DNAI3: variants seen among roughly 807,000 people sequenced by gnomAD.
DNAI3 encodes dynein axonemal intermediate chain 3.
DNAI3 carries 83 observed loss-of-function variants against 115.5 expected under a neutral mutation model. That is an observed-to-expected ratio of 0.72 (90% CI 0.60 to 0.86). The LOEUF (loss-of-function observed/expected upper bound fraction) is 0.86, where lower values mean the gene tolerates loss of function less well. Ranked by LOEUF, DNAI3 falls within the 40% of genes least tolerant of loss-of-function variation. DNAI3 has a pLI of 0.00. For synonymous variants in DNAI3, 320 were observed against 347.0 expected, an observed-to-expected ratio of 0.92 and a Z score of 0.86; for missense variants, 1,004 against 1,075.8, an observed-to-expected ratio of 0.93 and a Z score of 0.93.
chr1:85,076,264 A>G (rs1232330822), intron 3 of DNAI3, among the ~76,000 whole-genome samples: 1 of 152,186 alleles, frequency 6.6e-6, no homozygotes, highest in Non-Finnish European at 1.5e-5. Context: ...GCCAATGTCA[A>G]AGGCCCAGTC....
intron 11 of DNAI3, among the ~76,000 whole-genome samples, chr1:85,096,480 T>A (rs199620533): frequency 1.5e-5 from 2 of 131,212 alleles, no homozygotes; most frequent in Non-Finnish European, 3.4e-5. Flanking sequence ...ATAGATAGAT[T>A]ATATATATAT....
intron 3 of DNAI3, among the ~76,000 whole-genome samples, chr1:85,075,573 AC>A (rs1654427291): frequency 1.3e-5 from 2 of 152,102 alleles, no homozygotes; most frequent in African/African-American, 4.8e-5. Flanking sequence ...GACCTTGCCA[AC>A]TGTTAATCAG....
Position 85,094,365 on chromosome 1 carries a change from A to G in DNAI3, c.1049-66A>G. The G allele has an allele frequency of 3.1e-6, 5 of 1,593,198 alleles. No individual in the cohort carries two copies. In the South Asian group the frequency reaches 5.7e-5, roughly 18 times the overall value. ...TGAAGAGTGGCTGTGTAGAAAAGCAAAAGCTAGAGACATCTCTCCATGTAT... is the reference window on the plus strand; with the variant it reads ...TGAAGAGTGGCTGTGTAGAAAAGCAGAAGCTAGAGACATCTCTCCATGTAT... On this transcript the variant is annotated intron_variant, in intron 9 of 22. Transcript: ENST00000294664.
At chr1:85,072,049 TG>T in intron 2 of DNAI3, 44 bp downstream of exon 2, 4 of 1,546,216 alleles carry the variant, frequency 2.6e-6, no homozygotes, top group Non-Finnish European at 3.5e-6. Flanking sequence ...GTGGAGTATT[TG>T]TGTATATATT....
At chr1:85,073,132 TATA>T in intron 3 of DNAI3, 40 bp downstream of exon 3, 1 of 1,424,042 alleles carries the variant, frequency 7.0e-7, no homozygotes, top group Non-Finnish European at 9.5e-7. Flanking sequence ...TCCTCAGTTT[TATA>T]ATATTTTAAT....
At chr1:85,089,785 G>T (rs1654918733) in intron 7 of DNAI3, among the ~76,000 whole-genome samples, 1 of 152,006 alleles carries the variant, frequency 6.6e-6, no homozygotes, top group Non-Finnish European at 1.5e-5. Flanking sequence ...AATAAAGATG[G>T]CAAAATGTTA....
chr1:85,086,063 G>A (rs1038553047), intron 7 of DNAI3, 33 bp downstream of exon 7: 4 of 1,588,204 alleles, frequency 2.5e-6, no homozygotes, highest in Non-Finnish European at 3.4e-6. Flanking sequence ...TAATTTTATA[G>A]CCAGTTACAG....
intron 7 of DNAI3, among the ~76,000 whole-genome samples, chr1:85,086,974 T>C (rs1459957471): frequency 6.6e-6 from 1 of 152,026 alleles, no homozygotes; most frequent in Non-Finnish European, 1.5e-5. Context: ...TTCTCCCTGC[T>C]CATCCATCCA....
intron 15 of DNAI3, among the ~76,000 whole-genome samples, chr1:85,108,865 C>G (rs1032399709): frequency 6.6e-6 from 1 of 152,150 alleles, no homozygotes; most frequent in Non-Finnish European, 1.5e-5. Flanking sequence ...CATGTATAAA[C>G]AAGCCACAAT....
chr1:85,098,385 A>G, intron 12 of DNAI3, 145 bp from the exon 13 acceptor site: 2 of 927,292 alleles, frequency 2.2e-6, no homozygotes, highest in Non-Finnish European at 3.1e-6. Context: ...ACCTAAATAT[A>G]TGATATAGAG....
Position 85,128,703 on chromosome 1 carries a change from T to G in DNAI3, c.2318-5T>G. Reference sequence around the variant, plus strand: ...TTTTCCTCCCATTTATTTTAAAATTTTCAGCTAAACAGCAATTTATAGCCA... The same window carrying G: ...TTTTCCTCCCATTTATTTTAAAATTGTCAGCTAAACAGCAATTTATAGCCA... On this transcript the variant is annotated splice_polypyrimidine_tract_variant and splice_region_variant and intron_variant, in intron 20 of 22. Transcript: ENST00000294664. The G allele has an allele frequency of 6.2e-7, 1 of 1,601,772 alleles. No homozygotes were observed.
intron 17 of DNAI3, among the ~76,000 whole-genome samples, chr1:85,121,533 T>C (rs1655994694): frequency 6.6e-6 from 1 of 152,240 alleles, no homozygotes; most frequent in Admixed American, 6.5e-5. Context: ...CACATCATTA[T>C]ATGTGGATAA....
In DNAI3 at chr1:85,117,778, G is replaced by A. The variant is rs776081165; in HGVS notation, c.1836G>A (p.Pro612=). 31 of 1,613,718 alleles carry A rather than the reference G, an allele frequency of 1.9e-5. No homozygotes were observed. The highest frequency in any genetic ancestry group is 1.7e-4 in the African/African-American group (13 of 74,926). ...CAGAGAAGGCAGAAGAAATGAACCC[G>A]TATCATAATCTGGAAAGTGGGATGG... The part of the protein sequence containing the change: ...SKTEKAEEMN[P]YHNLESGMAN... The change falls in exon 17 of 23, where the codon CCG becomes CCA. Residue 612 remains proline, a synonymous_variant. Transcript: ENST00000294664.
intron 3 of DNAI3, among the ~76,000 whole-genome samples, chr1:85,077,908 TGA>T (rs1213252809): frequency 2.0e-5 from 3 of 152,202 alleles, no homozygotes; most frequent in Non-Finnish European, 2.9e-5. Context: ...TTGAAATGTA[TGA>T]GAGTTGTTTT....
At chr1:85,082,094 T>C (rs1238658244) in intron 4 of DNAI3, among the ~76,000 whole-genome samples, 4 of 152,254 alleles carry the variant, frequency 2.6e-5, no homozygotes, top group African/African-American at 9.6e-5. Context: ...TAAAAGTGCA[T>C]GTACATTTCC....
At chr1:85,129,956 C>G (rs777196239) in intron 21 of DNAI3, 34 bp from the exon 22 acceptor site, 1 of 1,591,158 alleles carries the variant, frequency 6.3e-7, no homozygotes, top group East Asian at 2.2e-5. Flanking sequence ...GGCTTCCTGC[C>G]TGTCACCCTC....
intron 14 of DNAI3, among the ~76,000 whole-genome samples, chr1:85,106,354 C>T (rs1245524544): frequency 6.6e-6 from 1 of 152,096 alleles, no homozygotes; most frequent in African/African-American, 2.4e-5. Flanking sequence ...AAAATATTTA[C>T]AAATCATATA....
intron 19 of DNAI3, 107 bp downstream of exon 19, chr1:85,124,358 A>G (rs1034762818): frequency 1.3e-6 from 2 of 1,490,818 alleles, no homozygotes; most frequent in African/African-American, 1.4e-5. Context: ...GACACTTTTT[A>G]GAGAAATTAG....
At chr1:85,092,288 G>T (rs1232784105) in intron 8 of DNAI3, among the ~76,000 whole-genome samples, 1 of 152,206 alleles carries the variant, frequency 6.6e-6, no homozygotes, top group East Asian at 1.9e-4. Flanking sequence ...ATTAGGCAAT[G>T]ACTGGTAGTG....
Sources: gnomAD v4.1 joint callset for allele counts (sites outside exome capture counted in the v4.1 genomes callset) on GRCh38, gnomAD v4.1.1 for gene constraint, MANE v1.5 for transcripts, NCBI Gene and HGNC (gene_info 2026-07-23, HGNC 2026-07-21) for gene names.